ELAVL4: variants seen among roughly 807,000 people sequenced by gnomAD.
The protein encoded by ELAVL4 is ELAV like RNA binding protein 4.
ELAVL4 carries 1 observed loss-of-function variant against 35.6 expected under a neutral mutation model. That is an observed-to-expected ratio of 0.03 (90% CI 0.01 to 0.13). ELAVL4 has a LOEUF of 0.13. ELAVL4 is among the 10% of genes least tolerant of loss of function. ELAVL4 has a pLI of 1.00. For missense variants in ELAVL4, 267 were observed against 464.9 expected (o/e 0.57, Z 3.91); for synonymous variants, 156 against 171.0 (o/e 0.91, Z 0.69).
chr1:50,198,749 T>A (rs939147335), intron 6 of ELAVL4, among the ~76,000 whole-genome samples: 1 of 152,196 alleles, frequency 6.6e-6, no homozygotes, highest in African/African-American at 2.4e-5. Context: ...ACAGCTGTAG[T>A]AGGCCTGCCA....
intron 3 of ELAVL4, among the ~76,000 whole-genome samples, chr1:50,182,459 G>A (rs1297707535): frequency 1.3e-5 from 2 of 152,312 alleles, no homozygotes; most frequent in East Asian, 1.9e-4. Flanking sequence ...CCTGTCTCAT[G>A]GGGGACACAG....
rs111673283 is a variant in ELAVL4, at chr1:50,057,212, G to A, written c.18+9030G>A. ...TTTAAAAGTAAAAAAAAAAATAATA[G>A]AAAAAAGCTTATAGAAAAGGATATA... On this transcript the variant is annotated intron_variant, in intron 1 of 6. Coordinates refer to the ELAVL4 transcript ENST00000448907. Among the ~76,000 whole-genome samples, 280 of 151,744 alleles carry A rather than the reference G, an allele frequency of 1.8e-3. 3 individuals are homozygous for A. Among genetic ancestry groups the A allele is most frequent in the African/African-American group, 6.3e-3 (262 of 41,430 alleles).
chr1:50,133,696 CAAT>C (rs1197313115), intron 1 of ELAVL4, among the ~76,000 whole-genome samples: 2 of 151,460 alleles, frequency 1.3e-5, no homozygotes, highest in African/African-American at 4.8e-5. Flanking sequence ...GAGAAATTAA[CAAT>C]AAACTTTCAA....
rs534990506 is a variant in ELAVL4, at chr1:50,072,676, A to T, written c.18+24494A>T. On this transcript the variant is annotated intron_variant, in intron 1 of 6. Coordinates refer to the ELAVL4 transcript ENST00000448907. ...ATCTGTGGTCCTTGCAACTGCTGGG[A>T]ATGACATAAATCATAATCCTGATAT... Among the ~76,000 whole-genome samples the T allele has an allele frequency of 1.1e-4, 17 of 152,296 alleles. No individual in the cohort carries two copies. In the South Asian group the frequency reaches 2.7e-3, roughly 24 times the overall value.
At position 50,123,129 on chromosome 1, in the gene ELAVL4, A is replaced by G. The variant is rs149609472; in HGVS notation, c.9+13931A>G. Among the ~76,000 whole-genome samples, 146 of 152,198 alleles carry G rather than the reference A, an allele frequency of 9.6e-4. 1 individual carries two copies. Among genetic ancestry groups the G allele is most frequent in the Admixed American group, 3.2e-3 (49 of 15,274 alleles). On this transcript the variant is annotated intron_variant, in intron 1 of 6. Coordinates refer to ENST00000371824, the MANE Select transcript of ELAVL4 (RefSeq NM_001144774.3). ...GGGGTATGTATATATTGTCATATAC[A>G]TGTCTCAATTGCATCATCAGAATTT...
chr1:50,096,602 G>A (rs138535121), intron 1 of ELAVL4, among the ~76,000 whole-genome samples: 2 of 151,898 alleles, frequency 1.3e-5, no homozygotes, highest in East Asian at 1.9e-4. Flanking sequence ...TTAGGCAGGG[G>A]AGTAACAGAA....
intron 1 of ELAVL4, among the ~76,000 whole-genome samples, chr1:50,117,150 G>T (rs1022985808): frequency 6.6e-6 from 1 of 152,052 alleles, no homozygotes; most frequent in African/African-American, 2.4e-5. Flanking sequence ...CTTTGGGGGA[G>T]GATAACTTTC....
At chr1:50,068,158 G>A (rs1664353294) in intron 1 of ELAVL4, among the ~76,000 whole-genome samples, 1 of 152,144 alleles carries the variant, frequency 6.6e-6, no homozygotes, top group African/African-American at 2.4e-5. Context: ...AGGTTAAGGG[G>A]GATAGGTTAG....
chr1:50,174,688 T>G (rs1157392265), intron 2 of ELAVL4: 1 of 152,142 alleles, frequency 6.6e-6, no homozygotes, highest in Non-Finnish European at 1.5e-5. Context: ...TCATTTGACC[T>G]TCAGAATCTT....
intron 1 of ELAVL4, among the ~76,000 whole-genome samples, chr1:50,114,607 T>C (rs1667637124): frequency 6.6e-6 from 1 of 152,100 alleles, no homozygotes; most frequent in African/African-American, 2.4e-5. Context: ...CTTTCCGGTA[T>C]AGGAGATAAT....
chr1:50,162,411 C>T (rs1676960512), intron 2 of ELAVL4, among the ~76,000 whole-genome samples: 1 of 152,146 alleles, frequency 6.6e-6, no homozygotes, highest in Admixed American at 6.5e-5. Context: ...GTTCAACAAG[C>T]TTATATTAAA....
upstream of ELAVL4, among the ~76,000 whole-genome samples, chr1:50,101,088 C>T (rs1419493502): frequency 6.6e-6 from 1 of 151,824 alleles, no homozygotes; most frequent in African/African-American, 2.4e-5. Context: ...ATCATTTTTC[C>T]CTAAGGAGAT....
chr1:50,096,451 G>C (rs915574673), intron 1 of ELAVL4, among the ~76,000 whole-genome samples: 3 of 150,142 alleles, frequency 2.0e-5, no homozygotes, highest in South Asian at 4.3e-4. Context: ...AGAATAGATG[G>C]TCATATCTAG....
intron 1 of ELAVL4, among the ~76,000 whole-genome samples, chr1:50,126,830 A>G (rs1486187714): frequency 2.6e-5 from 4 of 152,112 alleles, no homozygotes; most frequent in Admixed American, 6.6e-5. Context: ...ATTTAAGAAT[A>G]AAAGAATGAT....
intron 2 of ELAVL4, among the ~76,000 whole-genome samples, chr1:50,165,090 T>C (rs1321714333): frequency 1.3e-5 from 2 of 152,220 alleles, no homozygotes; most frequent in Non-Finnish European, 2.9e-5. Context: ...AGTTTTTTCA[T>C]ACATGTCTTA....
chr1:50,157,163 A>G (rs923847439), intron 2 of ELAVL4, among the ~76,000 whole-genome samples: 6 of 152,190 alleles, frequency 3.9e-5, no homozygotes, highest in African/African-American at 1.4e-4. Flanking sequence ...GGCCACTTCT[A>G]TAAGTGGTAA....
intron 1 of ELAVL4, among the ~76,000 whole-genome samples, chr1:50,067,191 T>C (rs1664304921): frequency 6.6e-6 from 1 of 152,198 alleles, no homozygotes; most frequent in African/African-American, 2.4e-5. Context: ...AAAGAACCTT[T>C]AAGCTTAGTG....
chr1:50,154,765 T>G (rs1228035037), intron 2 of ELAVL4, among the ~76,000 whole-genome samples: 1 of 151,748 alleles, frequency 6.6e-6, no homozygotes, highest in Non-Finnish European at 1.5e-5. Context: ...TGTGTGTGTG[T>G]GTGTGTGTGT....
chr1:50,116,581 CT>C (rs1668001874), intron 1 of ELAVL4, among the ~76,000 whole-genome samples: 1 of 151,914 alleles, frequency 6.6e-6, no homozygotes, highest in Non-Finnish European at 1.5e-5. Context: ...AAATAACAGG[CT>C]GAGTTGAACT....
Sources: gnomAD v4.1 joint callset for allele counts (sites outside exome capture counted in the v4.1 genomes callset) on GRCh38, gnomAD v4.1.1 for gene constraint, MANE v1.5 for transcripts, NCBI Gene and HGNC (gene_info 2026-07-23, HGNC 2026-07-21) for gene names.